Variants in STXBP5L observed in about 807,000 individuals in gnomAD.
STXBP5L encodes syntaxin binding protein 5L.
In STXBP5L, 65 loss-of-function variants were observed where a neutral mutation model predicts 144.5. The ratio of observed to expected loss-of-function variants is 0.45; its 90% CI spans 0.37 to 0.55. The LOEUF is 0.55. STXBP5L is among the 20% of genes least tolerant of loss of function. STXBP5L has a pLI of 0.00. For missense variants in STXBP5L, 1,298 were observed against 1,405.5 expected, an observed-to-expected ratio of 0.92 and a Z score of 1.22; for synonymous variants, 505 against 469.6, an observed-to-expected ratio of 1.08 and a Z score of -0.97.
chr3:121,352,887 A>T (rs1195630897), intron 20 of STXBP5L, among the ~76,000 whole-genome samples: 1 of 152,178 alleles, frequency 6.6e-6, no homozygotes, highest in Non-Finnish European at 1.5e-5. Flanking sequence ...AGTTCTTAGC[A>T]TGAAGGGCTG....
chr3:121,417,311 T>G (rs1241888268), intron 25 of STXBP5L, among the ~76,000 whole-genome samples: 2 of 152,142 alleles, frequency 1.3e-5, no homozygotes, highest in African/African-American at 4.8e-5. Context: ...AATGGATAAA[T>G]GTTATGTGAA....
intron 18 of STXBP5L, among the ~76,000 whole-genome samples, chr3:121,263,412 T>C (rs2050449633): frequency 6.6e-6 from 1 of 152,030 alleles, no homozygotes; most frequent in East Asian, 1.9e-4. Flanking sequence ...AAGCCTCTTC[T>C]CCTCTAAATC....
In STXBP5L at chr3:121,162,300, G is replaced by A. The variant is rs541948308; in HGVS notation, c.877+4673G>A. ...GAAAAATAATTACAGGGTTTTCCCTGACAAAAATGTGCAATGGGGAAAGGG... is the reference window on the plus strand; with the variant it reads ...GAAAAATAATTACAGGGTTTTCCCTAACAAAAATGTGCAATGGGGAAAGGG... On this transcript the variant is annotated intron_variant, in intron 9 of 26. Coordinates refer to ENST00000471454, the MANE Select transcript of STXBP5L (RefSeq NM_001308330.2). Among the ~76,000 whole-genome samples the A allele has an allele frequency of 2.6e-5, 4 of 152,194 alleles. No individual in the cohort carries two copies. In the South Asian group the frequency reaches 8.3e-4, roughly 32 times the overall value.
At chr3:121,176,050 T>C (rs2046920288) in intron 9 of STXBP5L, among the ~76,000 whole-genome samples, 2 of 152,158 alleles carry the variant, frequency 1.3e-5, no homozygotes, top group South Asian at 4.1e-4. Context: ...AAGACAGCTC[T>C]TCAAAATACA....
At chr3:120,927,643 G>C (rs866286) in intron 2 of STXBP5L, among the ~76,000 whole-genome samples, 2 of 152,166 alleles carry the variant, frequency 1.3e-5, no homozygotes, top group African/African-American at 4.8e-5. Context: ...TGGGATCACA[G>C]ATATGGAAAT....
intron 10 of STXBP5L, among the ~76,000 whole-genome samples, chr3:121,212,026 C>A (rs2048593632): frequency 6.6e-6 from 1 of 152,048 alleles, no homozygotes; most frequent in Non-Finnish European, 1.5e-5. Flanking sequence ...TGAGAAGTGT[C>A]TATTCATATA....
intron 22 of STXBP5L, among the ~76,000 whole-genome samples, chr3:121,405,642 T>G (rs1030372106): frequency 6.6e-6 from 1 of 152,174 alleles, no homozygotes; most frequent in African/African-American, 2.4e-5. Flanking sequence ...AGTTTAAGCA[T>G]ACTTTGTAAG....
At chr3:121,383,869 GTTA>G (rs775916455) in intron 22 of STXBP5L, among the ~76,000 whole-genome samples, 5 of 152,044 alleles carry the variant, frequency 3.3e-5, no homozygotes, top group Non-Finnish European at 7.4e-5. Flanking sequence ...TACTGTTTAT[GTTA>G]TTATGGTTGC....
At chr3:121,273,461 A>G (rs1340422876) in intron 18 of STXBP5L, among the ~76,000 whole-genome samples, 1 of 151,876 alleles carries the variant, frequency 6.6e-6, no homozygotes, top group Non-Finnish European at 1.5e-5. Context: ...TGGCAGTTTG[A>G]TTATAATGTG....
intron 20 of STXBP5L, among the ~76,000 whole-genome samples, chr3:121,354,926 G>T (rs9862165): frequency 0.1 from 15,226 of 152,090 alleles, 1,187 homozygotes; most frequent in Admixed American, 0.2. Flanking sequence ...GTCTGTAAAG[G>T]ATTTTATTTC....
intron 3 of STXBP5L, among the ~76,000 whole-genome samples, chr3:121,026,663 A>G (rs1945966631): frequency 6.6e-6 from 1 of 152,076 alleles, no homozygotes; most frequent in Non-Finnish European, 1.5e-5. Context: ...TTGAATAAGC[A>G]GAGAAAGCAT....
intron 20 of STXBP5L, among the ~76,000 whole-genome samples, chr3:121,353,542 T>C (rs997668093): frequency 1.3e-5 from 2 of 152,176 alleles, no homozygotes; most frequent in Non-Finnish European, 2.9e-5. Context: ...CTTTTATCAT[T>C]TTTTGTTGCA....
intron 3 of STXBP5L, among the ~76,000 whole-genome samples, chr3:120,993,712 A>G (rs1275926389): frequency 2.6e-5 from 4 of 151,982 alleles, no homozygotes; most frequent in Non-Finnish European, 5.9e-5. Context: ...GCCTTGTAAT[A>G]TATTTTGACA....
At chr3:120,987,907 T>A (rs1206379560) in intron 3 of STXBP5L, among the ~76,000 whole-genome samples, 1 of 151,872 alleles carries the variant, frequency 6.6e-6, no homozygotes, top group Non-Finnish European at 1.5e-5. Flanking sequence ...GGTAGAATTC[T>A]CTGGTGAAAC....
At chr3:121,292,061 A>G (rs1338733048) in intron 19 of STXBP5L, among the ~76,000 whole-genome samples, 1 of 152,238 alleles carries the variant, frequency 6.6e-6, no homozygotes, top group Non-Finnish European at 1.5e-5. Flanking sequence ...GATGGGACTT[A>G]ATTAAACTAA....
chr3:120,979,618 A>G (rs1303028062), intron 3 of STXBP5L, among the ~76,000 whole-genome samples: 3 of 152,190 alleles, frequency 2.0e-5, no homozygotes, highest in Non-Finnish European at 1.5e-5. Flanking sequence ...ATGGAAATGC[A>G]GAAATCACCC....
chr3:121,287,658 G>A (rs1295854893), intron 19 of STXBP5L, among the ~76,000 whole-genome samples: 3 of 151,906 alleles, frequency 2.0e-5, no homozygotes, highest in South Asian at 2.1e-4. Flanking sequence ...GTGAAACCCC[G>A]TCTCCACTAA....
chr3:121,246,063 A>T (rs2049841243), intron 14 of STXBP5L, among the ~76,000 whole-genome samples: 1 of 152,198 alleles, frequency 6.6e-6, no homozygotes, highest in Non-Finnish European at 1.5e-5. Context: ...TGGGCTGCAG[A>T]CCAGTACCAG....
intron 22 of STXBP5L, among the ~76,000 whole-genome samples, chr3:121,402,444 A>G (rs2046901713): frequency 6.6e-6 from 1 of 152,096 alleles, no homozygotes; most frequent in Non-Finnish European, 1.5e-5. Context: ...TACCATTTTC[A>G]TTGTCATTCA....
Sources: gnomAD v4.1 joint callset for allele counts (sites outside exome capture counted in the v4.1 genomes callset) on GRCh38, gnomAD v4.1.1 for gene constraint, MANE v1.5 for transcripts, NCBI Gene and HGNC (gene_info 2026-07-23, HGNC 2026-07-21) for gene names.